Variants in EFCAB5 observed in about 807,000 individuals in gnomAD.
EFCAB5 encodes EF-hand calcium-binding domain-containing protein 5.
A neutral mutation model predicts 167.9 loss-of-function variants in EFCAB5; 131 were observed. The ratio of observed to expected loss-of-function variants is 0.78; its 90% confidence interval spans 0.68 to 0.90. The LOEUF (loss-of-function observed/expected upper bound fraction) is 0.90. EFCAB5 is among the 40% of genes least tolerant of loss of function. EFCAB5 has a pLI of 0.00. For missense variants in EFCAB5, 1,663 were observed against 1,745.2 expected (o/e 0.95, Z 0.84); for synonymous variants, 574 against 602.8 (o/e 0.95, Z 0.70).
intron 13 of EFCAB5, chr17:30,059,261 AT>A (rs368885476): frequency 6.6e-5 from 13 of 196,906 alleles, no homozygotes; most frequent in Admixed American, 1.2e-4. Flanking sequence ...TTTTCTAAAA[AT>A]TTTTAAAAAA....
chr17:29,966,363 G>T (rs1232655924), intron 3 of EFCAB5, among the ~76,000 whole-genome samples: 1 of 152,132 alleles, frequency 6.6e-6, no homozygotes, highest in Non-Finnish European at 1.5e-5. Flanking sequence ...GGGCATGGTG[G>T]TTCATGCCTG....
chr17:29,983,974 A>AT (rs1427632881), intron 4 of EFCAB5, among the ~76,000 whole-genome samples: 2 of 152,076 alleles, frequency 1.3e-5, no homozygotes, highest in Non-Finnish European at 2.9e-5. Context: ...TTGTGTATTC[A>AT]TTTTTGTGTC....
chr17:30,058,455 C>T (rs1169860759), intron 13 of EFCAB5, among the ~76,000 whole-genome samples: 1 of 152,150 alleles, frequency 6.6e-6, no homozygotes, highest in Non-Finnish European at 1.5e-5. Flanking sequence ...TAATTCTAGA[C>T]AATTCCCTTT....
At position 30,053,911 on chromosome 17, in the gene EFCAB5, C is replaced by T; in HGVS notation, c.1957C>T (p.Gln653Ter). 6.2e-7 allele frequency: 1 copy of T among 1,613,994 alleles called. No individual in the cohort carries two copies. Among genetic ancestry groups the T allele is most frequent in the Non-Finnish European group, 8.5e-7 (1 of 1,179,896 alleles). Residue 653 changes from glutamine (Q) to a stop codon, truncating the protein, a stop_gained, in exon 10 of 23, where the codon CAA becomes TAA. Coordinates refer to ENST00000394835, the MANE Select transcript of EFCAB5 (RefSeq NM_198529.4). LOFTEE classifies it high-confidence loss of function. ...AGAAGAACCATACCAAAAATCAGAA[C>T]AAGGACCTTATGGAGAGATAATTTC... Reference protein sequence around the residue: ...VIEEPYQKSEQGPYGEIISEE... With the variant: ...VIEEPYQKSE
chr17:30,004,409 C>T (rs895908482), intron 7 of EFCAB5, among the ~76,000 whole-genome samples: 2 of 152,156 alleles, frequency 1.3e-5, no homozygotes, highest in African/African-American at 4.8e-5. Context: ...GGCAAGGTGC[C>T]TTGTTATTGC....
chr17:30,045,312 G>A (rs2069890807), intron 8 of EFCAB5, among the ~76,000 whole-genome samples: 1 of 151,892 alleles, frequency 6.6e-6, no homozygotes, highest in African/African-American at 2.4e-5. Context: ...CAAAAAATTA[G>A]CCAGGTATGG....
In EFCAB5 at chr17:30,068,812, A is replaced by G. The variant is rs1159234831; in HGVS notation, c.2737+9111A>G. The G allele has an allele frequency of 6.6e-6, 9 of 1,367,920 alleles. No homozygotes were observed. The East Asian group carries it at 1.8e-4, about 28-fold the overall frequency. 84.7% of individuals were successfully genotyped at this position (1,367,920 alleles called of 1,614,324 possible). Reference sequence around the variant, plus strand: ...CCGCGAAATGATTTCTCACAGTGGCAAACTGAGAGATTTTCTTCTGGAACA... The same window carrying G: ...CCGCGAAATGATTTCTCACAGTGGCGAACTGAGAGATTTTCTTCTGGAACA... On this transcript the variant is annotated intron_variant, in intron 14 of 22. Transcript: ENST00000394835.
chr17:29,953,535 T>C (rs187430139), intron 3 of EFCAB5, among the ~76,000 whole-genome samples: 2 of 152,328 alleles, frequency 1.3e-5, no homozygotes, highest in Admixed American at 6.5e-5. Context: ...CTTGCCACCA[T>C]GTAAGACCTG....
intron 7 of EFCAB5, among the ~76,000 whole-genome samples, chr17:30,010,141 T>C (rs1174755633): frequency 6.6e-6 from 1 of 152,150 alleles, no homozygotes; most frequent in Non-Finnish European, 1.5e-5. Context: ...TGAGCTCATC[T>C]TTTTTTATGG....
At chr17:30,073,475 T>C (rs900628150) in intron 14 of EFCAB5, among the ~76,000 whole-genome samples, 1 of 152,308 alleles carries the variant, frequency 6.6e-6, no homozygotes, top group Non-Finnish European at 1.5e-5. Context: ...TTTTAATCTG[T>C]CTATTCATCT....
chr17:30,059,893 G>A, intron 14 of EFCAB5, 192 bp downstream of exon 14: 1 of 339,402 alleles, frequency 2.9e-6, no homozygotes, highest in Non-Finnish European at 4.8e-6. Context: ...TCACTGTGCT[G>A]CCCAGGCTGG....
intron 8 of EFCAB5, among the ~76,000 whole-genome samples, chr17:30,038,996 G>A (rs1338550328): frequency 1.3e-5 from 2 of 152,116 alleles, no homozygotes; most frequent in African/African-American, 4.8e-5. Flanking sequence ...TCTCAGCAAT[G>A]CAGAAAGAAA....
At chr17:30,003,098 GC>G (rs2068697382) in intron 7 of EFCAB5, among the ~76,000 whole-genome samples, 3 of 127,192 alleles carry the variant, frequency 2.4e-5, no homozygotes, top group African/African-American at 5.8e-5. Flanking sequence ...TTTTTTTGTA[GC>G]GGGGGGGGGG....
chr17:30,017,703 T>G (rs1044103082), intron 7 of EFCAB5, among the ~76,000 whole-genome samples: 1 of 152,182 alleles, frequency 6.6e-6, no homozygotes, highest in African/African-American at 2.4e-5. Context: ...CTACATATTT[T>G]AATTTTGGAA....
chr17:30,069,523 C>T (rs546667059), intron 14 of EFCAB5: 26 of 1,609,864 alleles, frequency 1.6e-5, no homozygotes, highest in Non-Finnish European at 2.0e-5. Flanking sequence ...AGGAAGGCAA[C>T]GAAGACATAA....
chr17:30,102,366 T>TATTA (rs532861438), intron 22 of EFCAB5, among the ~76,000 whole-genome samples: 208 of 152,212 alleles, frequency 1.4e-3, no homozygotes, highest in African/African-American at 4.1e-3. Context: ...TGTCTTCTTT[T>TATTA]ATTAATTAAT....
chr17:30,071,733 T>C lies in EFCAB5; in HGVS notation c.2738-6482T>C, dbSNP rs75298526. On this transcript the variant is annotated intron_variant, in intron 14 of 22. Coordinates refer to ENST00000394835, the MANE Select transcript of EFCAB5 (RefSeq NM_198529.4). ...TGCATTACTCACAATAGCTGAGATA[T>C]GAGATCAGCTTAAGTGTCTATCAAC... Among the ~76,000 whole-genome samples the C allele has an allele frequency of 4.2e-3, 632 of 152,278 alleles. 5 individuals carry two copies. The highest frequency in any genetic ancestry group is 0.014 in the African/African-American group (600 of 41,546).
intron 7 of EFCAB5, among the ~76,000 whole-genome samples, chr17:30,018,377 TAA>T (rs1300946327): frequency 2.0e-5 from 3 of 152,132 alleles, no homozygotes; most frequent in Non-Finnish European, 4.4e-5. Flanking sequence ...TCCTCAAAGT[TAA>T]AGAGTTTAAG....
intron 1 of EFCAB5, chr17:29,930,292 G>T (rs1482424416): frequency 6.3e-6 from 3 of 474,952 alleles, no homozygotes; most frequent in Non-Finnish European, 1.1e-5. Flanking sequence ...GCGCGCCGCC[G>T]CCTGGTCGTA....
Sources: allele counts gnomAD v4.1 joint callset (sites outside exome capture counted in the v4.1 genomes callset), GRCh38; gene constraint gnomAD v4.1.1; transcripts MANE v1.5; gene names NCBI Gene and HGNC (gene_info 2026-07-23, HGNC 2026-07-21).